Variants in SEPTIN10 observed in about 807,000 individuals in gnomAD.
SEPTIN10 encodes septin 10.
In SEPTIN10, 66 loss-of-function variants were observed where a neutral mutation model predicts 54.8. The observed-to-expected ratio is 1.21, with a 90% CI of 0.99 to 1.48. SEPTIN10 has a LOEUF of 1.48. Ranked by LOEUF, SEPTIN10 falls within the 40% of genes most tolerant of loss-of-function variation. SEPTIN10 has a pLI of 0.00. For synonymous variants in SEPTIN10, 161 were observed against 181.0 expected (o/e 0.89, Z 0.89); for missense variants, 620 against 545.6 (o/e 1.14, Z -1.36).
chr2:109,608,884 A>G (rs1015804193), intron 1 of SEPTIN10, among the ~76,000 whole-genome samples: 14 of 152,244 alleles, frequency 9.2e-5, no homozygotes, highest in African/African-American at 3.4e-4. Flanking sequence ...CGCATCAGGC[A>G]TTTTATACTA....
At chr2:109,564,811 A>G (rs1427184345) in intron 7 of SEPTIN10, among the ~76,000 whole-genome samples, 1 of 152,222 alleles carries the variant, frequency 6.6e-6, no homozygotes, top group South Asian at 2.1e-4. Context: ...GACACAACTT[A>G]TTGTTAACCA....
intron 4 of SEPTIN10, among the ~76,000 whole-genome samples, chr2:109,584,194 AG>A (rs1481048067): frequency 6.6e-6 from 1 of 152,180 alleles, no homozygotes; most frequent in African/African-American, 2.4e-5. Flanking sequence ...AATGGAAATA[AG>A]ACTGGGCGCA....
At chr2:109,608,996 T>C (rs747482964) in intron 1 of SEPTIN10, among the ~76,000 whole-genome samples, 22 of 152,330 alleles carry the variant, frequency 1.4e-4, no homozygotes, top group Non-Finnish European at 2.6e-4. Flanking sequence ...CTGCAGTAGA[T>C]TATAAAAATT....
intron 8 of SEPTIN10, among the ~76,000 whole-genome samples, chr2:109,563,942 A>G (rs575374848): frequency 6.6e-6 from 1 of 152,216 alleles, no homozygotes; most frequent in Non-Finnish European, 1.5e-5. Flanking sequence ...GCAACATAGT[A>G]AGACCCTGTC....
At chr2:109,611,115 G>A (rs1323808523) in intron 1 of SEPTIN10, among the ~76,000 whole-genome samples, 3 of 152,290 alleles carry the variant, frequency 2.0e-5, no homozygotes, top group South Asian at 2.1e-4. Context: ...AAATGGTGCT[G>A]GAGCAACTGG....
intron 1 of SEPTIN10, among the ~76,000 whole-genome samples, chr2:109,599,458 C>CAAAAAAA (rs55670927): frequency 1.6e-5 from 1 of 63,316 alleles, no homozygotes; most frequent in African/African-American, 6.4e-5. Flanking sequence ...ACTCAGTCTC[C>CAAAAAAA]AAAAAAAAAA....
chr2:109,582,520 C>CCAT (rs1197765831), intron 4 of SEPTIN10, among the ~76,000 whole-genome samples: 2 of 152,194 alleles, frequency 1.3e-5, no homozygotes, highest in East Asian at 1.9e-4. Flanking sequence ...CGAGGTCCCA[C>CCAT]CATGTTGCCC....
intron 5 of SEPTIN10, among the ~76,000 whole-genome samples, chr2:109,572,565 G>A (rs1384066576): frequency 1.4e-5 from 2 of 145,380 alleles, no homozygotes; most frequent in Non-Finnish European, 3.0e-5. Context: ...TTGACTGCCT[G>A]TTTTATACCC....
chr2:109,571,356 C>G (rs1423202654), intron 5 of SEPTIN10, among the ~76,000 whole-genome samples: 1 of 152,154 alleles, frequency 6.6e-6, no homozygotes, highest in African/African-American at 2.4e-5. Flanking sequence ...GTGAACATCA[C>G]AGAGTATACT....
In SEPTIN10 at chr2:109,546,245, C is replaced by G; in HGVS notation, c.1162-8G>C. The stretch of plus-strand genomic sequence containing the variant: ...CTCAAATTTGGCCTGTAGCTGGAAA[C>G]AAAAGTGCAATCCCCACTACTGACA... On this transcript the variant is annotated splice_region_variant and splice_polypyrimidine_tract_variant and intron_variant, in intron 9 of 10. Coordinates refer to ENST00000397712, the MANE Select transcript of SEPTIN10 (RefSeq NM_144710.5). The G allele has an allele frequency of 6.5e-7, 1 of 1,533,894 alleles. No homozygotes were observed. Among genetic ancestry groups the G allele is most frequent in the Non-Finnish European group, 8.8e-7 (1 of 1,142,724 alleles).
chr2:109,547,256 T>C (rs1264548998), intron 9 of SEPTIN10, among the ~76,000 whole-genome samples: 1 of 152,170 alleles, frequency 6.6e-6, no homozygotes, highest in African/African-American at 2.4e-5. Flanking sequence ...TCTGTAAAAA[T>C]TAACTGTTCT....
chr2:109,574,716 T>C lies in SEPTIN10; in HGVS notation c.465A>G (p.Gln155=). Residue 155 remains glutamine, a synonymous_variant, in exon 5 of 11, where the codon CAA becomes CAG. Transcript: ENST00000397712. The part of the protein sequence containing the change: ...YIDAQFEAYL[Q]EELKIKRSLF... ...GAGAACGCTTAATCTTCAGTTCTTC[T>C]TGGAGATAGGCCTCAAACTGAGCAT... 6.2e-7 allele frequency: 1 copy of C among 1,605,666 alleles called. No individual in the cohort carries two copies. Among genetic ancestry groups the C allele is most frequent in the Non-Finnish European group, 8.5e-7 (1 of 1,176,022 alleles).
At chr2:109,598,021 C>T (rs559278918) in intron 1 of SEPTIN10, among the ~76,000 whole-genome samples, 1 of 152,266 alleles carries the variant, frequency 6.6e-6, no homozygotes, top group Non-Finnish European at 1.5e-5. Flanking sequence ...GACCAATGAG[C>T]CTCAGGAAAC....
chr2:109,567,503 G>A (rs552041377), intron 6 of SEPTIN10, among the ~76,000 whole-genome samples: 2 of 152,182 alleles, frequency 1.3e-5, no homozygotes, highest in South Asian at 4.1e-4. Flanking sequence ...TATAAAGACA[G>A]GGTAGGAAGG....
intron 4 of SEPTIN10, among the ~76,000 whole-genome samples, chr2:109,577,106 AG>A (rs1216847652): frequency 6.6e-6 from 1 of 152,206 alleles, no homozygotes. Flanking sequence ...AGGACCCTTA[AG>A]GGAGACTTCT....
intron 8 of SEPTIN10, among the ~76,000 whole-genome samples, chr2:109,555,302 T>C (rs1558719053): frequency 6.6e-6 from 1 of 152,326 alleles, no homozygotes; most frequent in East Asian, 1.9e-4. Context: ...TATCCTATCC[T>C]CAGGTTTCAG....
intron 9 of SEPTIN10, among the ~76,000 whole-genome samples, chr2:109,547,000 C>T (rs1255326254): frequency 1.3e-5 from 2 of 152,170 alleles, no homozygotes; most frequent in Non-Finnish European, 2.9e-5. Flanking sequence ...TCTCTGACCT[C>T]CCTTTAGGCG....
chr2:109,613,580 CGCGAACCGGGGTCCGGCCGCGCCCA>C, intron 1 of SEPTIN10, 193 bp downstream of exon 1: 1 of 269,610 alleles, frequency 3.7e-6, no homozygotes, highest in Non-Finnish European at 6.8e-6. Context: ...CGCCGCGCCC[CGCGAACCGGGGTCCGGCCGCGCCCA>C]GGCTCCGCAG....
chr2:109,582,590 G>A (rs1167691432), intron 4 of SEPTIN10, among the ~76,000 whole-genome samples: 1 of 152,120 alleles, frequency 6.6e-6, no homozygotes, highest in East Asian at 1.9e-4. Context: ...CAGAGTGCTA[G>A]GATTACAGGC....
Sources: allele counts gnomAD v4.1 joint callset (sites outside exome capture counted in the v4.1 genomes callset), GRCh38; gene constraint gnomAD v4.1.1; transcripts MANE v1.5; gene names NCBI Gene and HGNC (gene_info 2026-07-23, HGNC 2026-07-21).